The following FAM120A variants were observed in gnomAD, a reference collection of about 807,000 sequenced individuals.
FAM120A encodes constitutive coactivator of PPAR-gamma-like protein 1.
A neutral mutation model predicts 109.7 loss-of-function variants in FAM120A; 15 were observed. The ratio of observed to expected loss-of-function variants is 0.14; its 90% CI spans 0.09 to 0.21. The LOEUF is 0.21. FAM120A is among the 10% of genes least tolerant of loss of function. FAM120A has a pLI of 1.00. For missense variants in FAM120A, 899 were observed against 1,439.3 expected, an observed-to-expected ratio of 0.62 and a Z score of 6.07; for synonymous variants, 493 against 572.8, an observed-to-expected ratio of 0.86 and a Z score of 1.99.
Position 93,564,319 on chromosome 9 carries a change from G to A in FAM120A, c.3136G>A (p.Asp1046Asn). 5 of 1,614,220 alleles carry A rather than the reference G, an allele frequency of 3.1e-6. No homozygotes were observed. Among genetic ancestry groups the A allele is most frequent in the Non-Finnish European group, 4.2e-6 (5 of 1,180,038 alleles). Residue 1046 changes from aspartate to asparagine, a missense_variant, in exon 18 of 18, where the codon GAC becomes AAC. By Grantham distance (23) the Asp-to-Asn change is conservative. Coordinates refer to ENST00000277165, the MANE Select transcript of FAM120A (RefSeq NM_014612.5). The part of the protein sequence containing the change: ...GESKSSAMSS[D>N]GSLAENGVMA... ...ATCGAAGTCCTCTGCTATGTCTTCAGACGGGTCCCTGGCTGAAAACGGAGT... is the reference window on the plus strand; with the variant it reads ...ATCGAAGTCCTCTGCTATGTCTTCAAACGGGTCCCTGGCTGAAAACGGAGT...
chr9:93,453,274 G>A (rs758689295), intron 1 of FAM120A: 6 of 988,062 alleles, frequency 6.1e-6, no homozygotes, highest in Non-Finnish European at 7.2e-6. Flanking sequence ...TATATCACCG[G>A]CCTCCTCTGG....
intron 1 of FAM120A, among the ~76,000 whole-genome samples, chr9:93,467,905 G>A (rs1858124492): frequency 6.6e-6 from 1 of 151,710 alleles, no homozygotes; most frequent in African/African-American, 2.4e-5. Context: ...TTTTGAGACG[G>A]AGTTTCGCTC....
At chr9:93,478,072 C>G (rs1051015347) in intron 3 of FAM120A, among the ~76,000 whole-genome samples, 1 of 152,158 alleles carries the variant, frequency 6.6e-6, no homozygotes, top group Non-Finnish European at 1.5e-5. Context: ...CAGCTTGCTC[C>G]ACCACTTCAG....
intron 3 of FAM120A, among the ~76,000 whole-genome samples, chr9:93,482,472 T>G (rs892102548): frequency 6.6e-6 from 1 of 152,208 alleles, no homozygotes; most frequent in Non-Finnish European, 1.5e-5. Flanking sequence ...ATTATAGGCG[T>G]GAGCCACTGT....
chr9:93,514,854 C>T (rs189150384), intron 5 of FAM120A, among the ~76,000 whole-genome samples: 39 of 152,340 alleles, frequency 2.6e-4, no homozygotes, highest in Admixed American at 8.5e-4. Flanking sequence ...CCGCGCGAGG[C>T]CAGAGGTTGA....
At chr9:93,547,909 A>C (rs1861946006) in intron 11 of FAM120A, among the ~76,000 whole-genome samples, 1 of 152,148 alleles carries the variant, frequency 6.6e-6, no homozygotes, top group Non-Finnish European at 1.5e-5. Context: ...CAAGGTGTTC[A>C]GAGGACCTAT....
intron 5 of FAM120A, among the ~76,000 whole-genome samples, chr9:93,509,514 G>A (rs1860217929): frequency 1.3e-5 from 2 of 152,164 alleles, no homozygotes; most frequent in African/African-American, 4.8e-5. Context: ...AACGTGTTTA[G>A]TTTTTTGCTA....
At chr9:93,549,931 G>A (rs954609057) in intron 11 of FAM120A, among the ~76,000 whole-genome samples, 2 of 152,190 alleles carry the variant, frequency 1.3e-5, no homozygotes, top group Admixed American at 6.5e-5. Flanking sequence ...TACTGAGAAG[G>A]GAAGGAGACT....
chr9:93,520,485 A>G (rs1275718941), intron 7 of FAM120A, among the ~76,000 whole-genome samples: 2 of 152,250 alleles, frequency 1.3e-5, no homozygotes, highest in Non-Finnish European at 2.9e-5. Context: ...ACCTTTTACA[A>G]AAGCCTATAA....
In FAM120A at chr9:93,550,603, G is replaced by A. The variant is rs763086084; in HGVS notation, c.2186G>A (p.Arg729His). The change falls in exon 12 of 18, where the codon CGC becomes CAC. Residue 729 changes from arginine to histidine, a missense_variant. By Grantham distance (29) the Arg-to-His change is conservative (BLOSUM62 0). Around this residue, in one of 11 missense-constraint regions of FAM120A, gnomAD observed 133 missense variants for 276.6 expected, o/e 0.48. Coordinates refer to ENST00000277165, the MANE Select transcript of FAM120A (RefSeq NM_014612.5). ...TACATGGTGCAGTGGCCGGGAGCACGCATCCTTCGGCGTCAGGAGCTAGAT... is the reference window on the plus strand; with the variant it reads ...TACATGGTGCAGTGGCCGGGAGCACACATCCTTCGGCGTCAGGAGCTAGAT... ...LRYMVQWPGARILRRQELDAF... is the reference protein window; with the variant it reads ...LRYMVQWPGAHILRRQELDAF... 3.1e-6 allele frequency: 5 copies of A among 1,613,696 alleles called. No homozygotes were observed. The highest frequency in any genetic ancestry group is 1.7e-5 in the Admixed American group (1 of 60,010).
intron 11 of FAM120A, among the ~76,000 whole-genome samples, chr9:93,546,497 C>T (rs982163457): frequency 6.6e-6 from 1 of 152,346 alleles, no homozygotes; most frequent in South Asian, 2.1e-4. Context: ...TTTACTCTGC[C>T]CCTCCTGTGG....
chr9:93,531,449 A>G (rs1861328186), intron 9 of FAM120A: 1 of 152,262 alleles, frequency 6.6e-6, no homozygotes, highest in African/African-American at 2.4e-5. Flanking sequence ...CCTGAGACAG[A>G]TTAATTTTGG....
chr9:93,466,616 G>A (rs891209346), intron 1 of FAM120A, among the ~76,000 whole-genome samples: 1 of 152,132 alleles, frequency 6.6e-6, no homozygotes, highest in Non-Finnish European at 1.5e-5. Flanking sequence ...GGGTGTCTCT[G>A]TGTCTAGGCC....
chr9:93,477,103 G>C (rs1360230231), intron 3 of FAM120A, among the ~76,000 whole-genome samples: 6 of 152,168 alleles, frequency 3.9e-5, no homozygotes, highest in Non-Finnish European at 5.9e-5. Context: ...CCCACCCTGG[G>C]ACTGCTTCCT....
chr9:93,489,318 C>T (rs1859209628), intron 3 of FAM120A, among the ~76,000 whole-genome samples: 1 of 152,136 alleles, frequency 6.6e-6, no homozygotes, highest in Non-Finnish European at 1.5e-5. Context: ...GAGTATGCAT[C>T]CTTAGGGCAC....
chr9:93,529,612 G>A, intron 9 of FAM120A, 32 bp downstream of exon 9: 1 of 1,589,112 alleles, frequency 6.3e-7, no homozygotes, highest in Non-Finnish European at 8.6e-7. Context: ...AGTGGCTTCT[G>A]TTATTTGATG....
chr9:93,564,598 G>A lies in FAM120A; in HGVS notation c.*58G>A. On this transcript the variant is annotated 3_prime_UTR_variant, in exon 18 of 18. Coordinates refer to ENST00000277165, the MANE Select transcript of FAM120A (RefSeq NM_014612.5). ...AAGGGTAAGGATTTAGGAATATCTG[G>A]AGAGAAAGAGAGCCTGCAGTTATGT... The A allele has an allele frequency of 9.4e-6, 13 of 1,384,428 alleles. No individual in the cohort carries two copies. Among genetic ancestry groups the A allele is most frequent in the Non-Finnish European group, 1.3e-5 (13 of 1,011,178 alleles). The allele number at this position is 1,384,428 out of a possible 1,614,324, so 85.8% of individuals were successfully genotyped here. A position where few individuals can be genotyped will look rare whatever the true frequency, so the allele number is the denominator to read the frequency against.
In FAM120A at chr9:93,474,175, TTTG is replaced by T. The variant is rs532797043; in HGVS notation, c.722-2057_722-2055del. Among the ~76,000 whole-genome samples the T allele has an allele frequency of 6.6e-4, 101 of 152,086 alleles. 3 individuals are homozygous for T. Among genetic ancestry groups the T allele is most frequent in the South Asian group, 2.1e-4 (1 of 4,818 alleles). The stretch of plus-strand genomic sequence containing the variant: ...GAAGTTATAGGTAAGCTCCTAAGTT[TTTG>T]TTGTTGTTGTTGTTGTTGTTGTTTT... On this transcript the variant is annotated intron_variant, in intron 2 of 17. Transcript: ENST00000277165.
intron 1 of FAM120A, among the ~76,000 whole-genome samples, chr9:93,470,109 G>A (rs796911696): frequency 2.0e-5 from 3 of 152,308 alleles, no homozygotes; most frequent in African/African-American, 7.2e-5. Flanking sequence ...TTGGGGTTAA[G>A]GGTGGCACAC....
Sources: allele counts gnomAD v4.1 joint callset (sites outside exome capture counted in the v4.1 genomes callset), GRCh38; gene constraint gnomAD v4.1.1; regional missense constraint gnomAD v4.1.1; transcripts MANE v1.5; gene names NCBI Gene and HGNC (gene_info 2026-07-23, HGNC 2026-07-21).